Variants in APBB2 observed in about 807,000 individuals in gnomAD.
APBB2 encodes the protein amyloid beta precursor protein binding family B member 2.
APBB2 carries 38 observed loss-of-function variants against 82.5 expected under a neutral mutation model. The observed-to-expected ratio is 0.46, with a 90% CI of 0.36 to 0.60. The LOEUF (loss-of-function observed/expected upper bound fraction) is 0.60, where lower values mean the gene tolerates loss of function less well. APBB2 is among the 20% of genes least tolerant of loss of function. APBB2 has a pLI of 0.00. For synonymous variants in APBB2, 341 were observed against 368.2 expected (o/e 0.93, Z 0.85); for missense variants, 772 against 972.3 (o/e 0.79, Z 2.74).
chr4:40,921,001 C>T (rs183625309), intron 10 of APBB2, among the ~76,000 whole-genome samples: 317 of 152,320 alleles, frequency 2.1e-3, no homozygotes, highest in African/African-American at 7.1e-3. Flanking sequence ...TGCCATTTAG[C>T]AGTGGAACAG....
chr4:40,902,763 C>G (rs1775675883), intron 10 of APBB2, among the ~76,000 whole-genome samples: 1 of 152,178 alleles, frequency 6.6e-6, no homozygotes, highest in Non-Finnish European at 1.5e-5. Context: ...CTCCTGAGCT[C>G]AAGTGATCCT....
At chr4:41,103,110 GGA>G (rs1746017131) in intron 2 of APBB2, among the ~76,000 whole-genome samples, 1 of 152,136 alleles carries the variant, frequency 6.6e-6, no homozygotes, top group Non-Finnish European at 1.5e-5. Flanking sequence ...ATGTTTAAGA[GGA>G]CAGCAACATA....
intron 10 of APBB2, among the ~76,000 whole-genome samples, chr4:40,900,454 GTTTTTTT>G: frequency 7.5e-6 from 1 of 132,738 alleles, no homozygotes; most frequent in Non-Finnish European, 1.6e-5. Flanking sequence ...ACGGAAGGAG[GTTTTTTT>G]TTTTTTTTTT....
intron 2 of APBB2, among the ~76,000 whole-genome samples, chr4:41,135,811 G>A (rs574028805): frequency 6.6e-6 from 1 of 152,322 alleles, no homozygotes; most frequent in East Asian, 1.9e-4. Flanking sequence ...AATTGTGGCT[G>A]TACTAAAGAA....
At chr4:41,019,755 G>A (rs1451703579) in intron 5 of APBB2, among the ~76,000 whole-genome samples, 1 of 152,150 alleles carries the variant, frequency 6.6e-6, no homozygotes, top group Non-Finnish European at 1.5e-5. Context: ...ATTGCATGCA[G>A]TGCAAAAACC....
chr4:41,010,252 C>T (rs1015417060), intron 6 of APBB2, among the ~76,000 whole-genome samples: 7 of 152,160 alleles, frequency 4.6e-5, no homozygotes, highest in African/African-American at 4.8e-5. Context: ...CATTGCTTTT[C>T]GGTCACAGCT....
At chr4:41,011,119 T>G (rs1579221186) in intron 6 of APBB2, among the ~76,000 whole-genome samples, 1 of 151,712 alleles carries the variant, frequency 6.6e-6, no homozygotes, top group Non-Finnish European at 1.5e-5. Flanking sequence ...ATCACAACAT[T>G]TGGGTAAATT....
intron 1 of APBB2, among the ~76,000 whole-genome samples, chr4:41,213,529 C>A (rs1779847661): frequency 6.6e-6 from 1 of 152,150 alleles, no homozygotes; most frequent in African/African-American, 2.4e-5. Context: ...TTTTTGAATT[C>A]TAGTCCCATG....
At chr4:41,018,309 CAGA>C (rs1398021919) in intron 5 of APBB2, among the ~76,000 whole-genome samples, 1 of 152,172 alleles carries the variant, frequency 6.6e-6, no homozygotes, top group Non-Finnish European at 1.5e-5. Flanking sequence ...TTCAGGCTTG[CAGA>C]AGAAAAACAC....
At chr4:41,028,499 G>T (rs939658342) in intron 5 of APBB2, among the ~76,000 whole-genome samples, 1 of 152,188 alleles carries the variant, frequency 6.6e-6, no homozygotes, top group African/African-American at 2.4e-5. Flanking sequence ...TCACCATGAG[G>T]AGATAACCTG....
At chr4:41,023,845 G>A (rs1418101635) in intron 5 of APBB2, among the ~76,000 whole-genome samples, 2 of 151,910 alleles carry the variant, frequency 1.3e-5, no homozygotes, top group African/African-American at 4.8e-5. Context: ...AATTCATATG[G>A]AACCAAAAAA....
chr4:41,071,138 C>T (rs1733741302), intron 3 of APBB2, among the ~76,000 whole-genome samples: 1 of 152,184 alleles, frequency 6.6e-6, no homozygotes, highest in Non-Finnish European at 1.5e-5. Flanking sequence ...CTACAATGCT[C>T]ATTTCACTAT....
chr4:41,094,994 G>A (rs934141290), intron 3 of APBB2, among the ~76,000 whole-genome samples: 1 of 152,202 alleles, frequency 6.6e-6, no homozygotes, highest in Non-Finnish European at 1.5e-5. Context: ...TAAATAAAAT[G>A]TTACATAAAT....
At chr4:40,899,745 CT>C (rs1295260858) in intron 10 of APBB2, among the ~76,000 whole-genome samples, 3 of 152,224 alleles carry the variant, frequency 2.0e-5, no homozygotes, top group Non-Finnish European at 4.4e-5. Flanking sequence ...TTCTAGGTTT[CT>C]GTCCTTTTCC....
chr4:41,033,583 A>AGCACACACAC (rs773202294), intron 4 of APBB2, among the ~76,000 whole-genome samples: 1 of 57,376 alleles, frequency 1.7e-5, no homozygotes, highest in African/African-American at 5.8e-5. Context: ...GCTTTTTCTC[A>AGCACACACAC]TCACACACAC....
In APBB2 at chr4:41,033,317, G is replaced by T. The variant is rs971949561; in HGVS notation, c.-50-13C>A. On this transcript the variant is annotated splice_polypyrimidine_tract_variant and intron_variant, in intron 4 of 17. Transcript: ENST00000508593. ...TATAATTTGAAATCTAAAAAGAAGG[G>T]ATCATTTGAGAAATTAAAACTCCAA... is the stretch of plus-strand genomic sequence containing the variant. 6 of 1,494,636 alleles carry T rather than the reference G, an allele frequency of 4.0e-6. No individual in the cohort carries two copies. In the Admixed American group the frequency reaches 6.4e-5, roughly 16 times the overall value. The allele number at this position is 1,494,636 out of a possible 1,614,324, so 92.6% of individuals were successfully genotyped here.
At chr4:41,193,687 T>C in intron 1 of APBB2, 6 of 347,878 alleles carry the variant, frequency 1.7e-5, no homozygotes, top group Non-Finnish European at 2.4e-5. Context: ...ACTGCTGCTG[T>C]TACAGCAACT....
intron 10 of APBB2, among the ~76,000 whole-genome samples, chr4:40,899,597 A>T (rs1774685515): frequency 6.6e-6 from 1 of 152,214 alleles, no homozygotes; most frequent in Non-Finnish European, 1.5e-5. Flanking sequence ...GAACAGTGAT[A>T]AGGAAATGAA....
At chr4:40,940,631 TCATGACGCCC>T (rs1786634509) in intron 7 of APBB2, among the ~76,000 whole-genome samples, 1 of 152,192 alleles carries the variant, frequency 6.6e-6, no homozygotes, top group African/African-American at 2.4e-5. Flanking sequence ...GGTTAGGCTC[TCATGACGCCC>T]GTGAGGCTGT....
Sources: allele counts gnomAD v4.1 joint callset (sites outside exome capture counted in the v4.1 genomes callset), GRCh38; gene constraint gnomAD v4.1.1; transcripts MANE v1.5; gene names NCBI Gene and HGNC (gene_info 2026-07-23, HGNC 2026-07-21).